Variants in SGCZ observed in about 807,000 individuals in gnomAD.
The protein encoded by SGCZ is zeta-sarcoglycan.
Under a neutral mutation model 41.3 loss-of-function variants are expected in SGCZ, and 40 were observed. That is an observed-to-expected ratio of 0.97 (90% CI 0.75 to 1.26). The LOEUF (loss-of-function observed/expected upper bound fraction) is 1.26. SGCZ is among the 50% of genes most tolerant of loss of function. The pLI is 0.00. For synonymous variants in SGCZ, 206 were observed against 137.5 expected (o/e 1.50, Z -3.49); for missense variants, 552 against 369.8 (o/e 1.49, Z -4.04).
chr8:14,963,080 T>A (rs551052395), intron 1 of SGCZ, among the ~76,000 whole-genome samples: 114 of 152,132 alleles, frequency 7.5e-4, no homozygotes, highest in Non-Finnish European at 1.3e-3. Context: ...AAACAACCTT[T>A]CCATTGTATT....
In SGCZ at chr8:14,479,731, C is replaced by CTTTTTTTTTTTTTTTTTTTT. The variant is rs529812029; in HGVS notation, c.234+74981_234+75000dup. Among the ~76,000 whole-genome samples the CTTTTTTTTTTTTTTTTTTTT allele has an allele frequency of 6.6e-4, 35 of 52,958 alleles. 7 individuals are homozygous for CTTTTTTTTTTTTTTTTTTTT. Among genetic ancestry groups the CTTTTTTTTTTTTTTTTTTTT allele is most frequent in the African/African-American group, 1.6e-3 (32 of 19,790 alleles). 34.7% of individuals were successfully genotyped at this position (52,958 alleles called of 152,430 possible). ...GTCGCATACCTCCAGAATTCTACTT[C>CTTTTTTTTTTTTTTTTTTTT]TTTTTTTTTTTTTTTTTTTTTTTTT... On this transcript the variant is annotated intron_variant, in intron 2 of 7. Coordinates refer to ENST00000382080, the MANE Select transcript of SGCZ (RefSeq NM_139167.4).
intron 1 of SGCZ, among the ~76,000 whole-genome samples, chr8:14,984,841 T>C (rs369127416): frequency 1.3e-5 from 2 of 152,178 alleles, no homozygotes; most frequent in Non-Finnish European, 2.9e-5. Flanking sequence ...TTTTGTGTTT[T>C]GGGACGTTTT....
At chr8:14,503,532 G>A (rs1391400293) in intron 2 of SGCZ, among the ~76,000 whole-genome samples, 1 of 152,138 alleles carries the variant, frequency 6.6e-6, no homozygotes. Context: ...CACTTTAGGA[G>A]GTTGAGGCAG....
intron 1 of SGCZ, among the ~76,000 whole-genome samples, chr8:14,991,445 A>G (rs960602881): frequency 2.0e-5 from 3 of 152,170 alleles, no homozygotes; most frequent in South Asian, 2.1e-4. Context: ...TGCCCAGGAT[A>G]AAGACACTGC....
intron 1 of SGCZ, among the ~76,000 whole-genome samples, chr8:14,985,870 G>A (rs1563412150): frequency 1.3e-5 from 2 of 152,148 alleles, no homozygotes; most frequent in African/African-American, 4.8e-5. Flanking sequence ...CAAATGCCTT[G>A]TTTTCAAAGG....
intron 1 of SGCZ, among the ~76,000 whole-genome samples, chr8:14,674,542 G>C (rs945640476): frequency 1.3e-5 from 2 of 152,044 alleles, no homozygotes. Context: ...AACCTATATG[G>C]TGCTATTCTA....
intron 4 of SGCZ, among the ~76,000 whole-genome samples, chr8:14,179,915 G>C (rs1585206112): frequency 6.6e-6 from 1 of 152,308 alleles, no homozygotes; most frequent in East Asian, 1.9e-4. Context: ...TATAGAGCAA[G>C]AGGTATTTGA....
In SGCZ at chr8:14,755,372, C is replaced by T. The variant is rs139325850; in HGVS notation, c.40-200446G>A. On this transcript the variant is annotated intron_variant, in intron 1 of 7. Coordinates refer to ENST00000382080, the MANE Select transcript of SGCZ (RefSeq NM_139167.4). ...TAGCAAACAAACTGACTTAGAGGAA[C>T]ATAAATCCAAATGAACAATTAAGGA... Among the ~76,000 whole-genome samples the T allele has an allele frequency of 4.4e-3, 666 of 152,214 alleles. 1 individual carries two copies. Among genetic ancestry groups the T allele is most frequent in the East Asian group, 0.01 (54 of 5,168 alleles).
At chr8:14,453,052 G>A (rs910271219) in intron 2 of SGCZ, among the ~76,000 whole-genome samples, 16 of 152,066 alleles carry the variant, frequency 1.1e-4, no homozygotes, top group East Asian at 9.7e-4. Context: ...GCAGGGAGCC[G>A]AGATGAGATG....
At chr8:14,688,955 C>A (rs1388585579) in intron 1 of SGCZ, among the ~76,000 whole-genome samples, 2 of 152,036 alleles carry the variant, frequency 1.3e-5, no homozygotes, top group East Asian at 3.9e-4. Flanking sequence ...CACAAGCATT[C>A]TTATACACCA....
At chr8:15,210,212 T>C (rs1801193854) in intron 1 of SGCZ, among the ~76,000 whole-genome samples, 1 of 152,182 alleles carries the variant, frequency 6.6e-6, no homozygotes, top group African/African-American at 2.4e-5. Context: ...ACTGTGGAAC[T>C]GAACAAACTC....
chr8:14,571,985 T>C (rs1397080057), intron 1 of SGCZ, among the ~76,000 whole-genome samples: 1 of 152,326 alleles, frequency 6.6e-6, no homozygotes, highest in East Asian at 1.9e-4. Flanking sequence ...ATAACAATTA[T>C]CTGATTGTTT....
intron 1 of SGCZ, among the ~76,000 whole-genome samples, chr8:14,917,363 G>A (rs1057436512): frequency 3.3e-5 from 5 of 151,778 alleles, no homozygotes; most frequent in East Asian, 3.9e-4. Flanking sequence ...TATTCATATC[G>A]TAACTTTAAC....
intron 2 of SGCZ, among the ~76,000 whole-genome samples, chr8:14,367,931 G>C (rs1803771286): frequency 6.6e-6 from 1 of 152,030 alleles, no homozygotes; most frequent in Non-Finnish European, 1.5e-5. Context: ...ACAATGAATG[G>C]AATGATAAAT....
chr8:14,408,982 T>TGTGC (rs761891974), intron 2 of SGCZ, among the ~76,000 whole-genome samples: 1 of 50,010 alleles, frequency 2.0e-5, no homozygotes, highest in African/African-American at 2.0e-4. Context: ...CATGTGTGCG[T>TGTGC]GTGTGTGTGT....
chr8:14,855,857 C>T (rs747736891), intron 1 of SGCZ, among the ~76,000 whole-genome samples: 1 of 152,084 alleles, frequency 6.6e-6, no homozygotes, highest in African/African-American at 2.4e-5. Flanking sequence ...AAGGCTTTCA[C>T]TTCTGATGAC....
At chr8:14,715,231 A>C (rs1215296098) in intron 1 of SGCZ, among the ~76,000 whole-genome samples, 5 of 152,164 alleles carry the variant, frequency 3.3e-5, no homozygotes. Context: ...TCATCATAAA[A>C]TATTTGATCC....
chr8:14,453,676 G>T (rs1800661856), intron 2 of SGCZ, among the ~76,000 whole-genome samples: 1 of 152,142 alleles, frequency 6.6e-6, no homozygotes, highest in Non-Finnish European at 1.5e-5. Context: ...CAGAATTTAA[G>T]CAGCATGCTA....
chr8:14,134,822 T>G (rs1473251904), intron 5 of SGCZ, among the ~76,000 whole-genome samples: 1 of 151,992 alleles, frequency 6.6e-6, no homozygotes, highest in Middle Eastern at 3.4e-3. Context: ...TCTCCACCTG[T>G]TGTTGCCTGG....
Sources: gnomAD v4.1 joint callset for allele counts (sites outside exome capture counted in the v4.1 genomes callset) on GRCh38, gnomAD v4.1.1 for gene constraint, MANE v1.5 for transcripts, NCBI Gene and HGNC (gene_info 2026-07-23, HGNC 2026-07-21) for gene names.